Variants in P3H2 observed in about 807,000 individuals in gnomAD.
The protein encoded by P3H2 is prolyl 3-hydroxylase 2, also known as leprecan-like 1.
Under a neutral mutation model 87.0 loss-of-function variants are expected in P3H2, and 80 were observed. That is an observed-to-expected ratio of 0.92 (90% CI 0.77 to 1.11). P3H2 has a LOEUF of 1.11. Among genes scored for constraint, P3H2 ranks in the 50% least tolerant of loss-of-function variants. The pLI, the probability that P3H2 is intolerant of heterozygous loss-of-function variation, is 0.00. For missense variants in P3H2, 1,001 were observed against 923.9 expected, an observed-to-expected ratio of 1.08 and a Z score of -1.08; for synonymous variants, 367 against 359.3, an observed-to-expected ratio of 1.02 and a Z score of -0.24.
intron 1 of P3H2, among the ~76,000 whole-genome samples, chr3:190,100,050 A>G (rs887764352): frequency 2.0e-5 from 3 of 152,160 alleles, no homozygotes; most frequent in African/African-American, 7.2e-5. Flanking sequence ...CCGGCCCAAC[A>G]TGGTGAAATT....
intron 1 of P3H2, among the ~76,000 whole-genome samples, chr3:190,033,200 TAC>T (rs1725312361): frequency 6.6e-6 from 1 of 152,148 alleles, no homozygotes; most frequent in Non-Finnish European, 1.5e-5. Context: ...CAGCTGTAAA[TAC>T]AGTCGCTTGC....
intron 10 of P3H2, among the ~76,000 whole-genome samples, chr3:189,973,601 G>A (rs1723252465): frequency 1.5e-5 from 2 of 133,994 alleles, no homozygotes; most frequent in Admixed American, 8.5e-5. Context: ...TCGGCTCACC[G>A]CAACCTCTGC....
At chr3:189,966,159 G>C (rs1722996308) in intron 13 of P3H2, among the ~76,000 whole-genome samples, 1 of 144,658 alleles carries the variant, frequency 6.9e-6, no homozygotes, top group African/African-American at 2.7e-5. Context: ...AAGAAAGAAA[G>C]AAAGAAAGAA....
rs760505250 is a variant in P3H2 at position 190,120,543 on chromosome 3, C to T, written c.189G>A (p.Ala63=). Residue 63 remains alanine, a synonymous_variant, in exon 1 of 15, where the codon GCG becomes GCA. Transcript: ENST00000319332. The part of the protein sequence containing the change: ...AAYYSGDYER[A]VRDLEAALRS... ...GCAGCGCCGCTTCCAAGTCGCGCAC[C>T]GCTCGCTCGTAGTCTCCGCTGTAGT... is the stretch of plus-strand genomic sequence containing the variant. 2.0e-6 allele frequency: 3 copies of T among 1,513,890 alleles called. No homozygotes were observed. The highest frequency in any genetic ancestry group is 1.2e-5 in the South Asian group (1 of 81,316). The allele number at this position is 1,513,890 out of a possible 1,614,324, so 93.8% of individuals were successfully genotyped here. A position where few individuals can be genotyped will look rare whatever the true frequency, so the allele number is the denominator to read the frequency against.
intron 8 of P3H2, among the ~76,000 whole-genome samples, chr3:189,976,163 T>C (rs1408166400): frequency 6.6e-6 from 1 of 152,238 alleles, no homozygotes; most frequent in South Asian, 2.1e-4. Flanking sequence ...CTTATAGTAC[T>C]GTTGGTGTGT....
rs575922323 is a variant in P3H2 at position 189,991,448 on chromosome 3, T to C, written c.824-2410A>G. On this transcript the variant is annotated intron_variant, in intron 3 of 14. Transcript: ENST00000319332. ...CTCATAAACATGGAGTATTTAACCA[T>C]TTTAATCCCTGCTATGAGATAGATG... Among the ~76,000 whole-genome samples the C allele has an allele frequency of 1.5e-4, 23 of 152,352 alleles. No individual in the cohort carries two copies. In the South Asian group the frequency reaches 3.3e-3, roughly 22 times the overall value.
At chr3:190,015,896 T>C (rs1268315386) in intron 1 of P3H2, among the ~76,000 whole-genome samples, 1 of 152,014 alleles carries the variant, frequency 6.6e-6, no homozygotes, top group Non-Finnish European at 1.5e-5. Flanking sequence ...TTAGGGGACA[T>C]TTGGGTGGAG....
intron 1 of P3H2, among the ~76,000 whole-genome samples, chr3:190,067,298 G>A (rs6805204): frequency 0.16 from 23,713 of 152,034 alleles, 2,678 homozygotes; most frequent in African/African-American, 0.32. Context: ...GAAGAGAAAG[G>A]AGAAGGAAGA....
At chr3:189,969,235 C>G in intron 13 of P3H2, 1 of 769,262 alleles carries the variant, frequency 1.3e-6, no homozygotes, top group Non-Finnish European at 2.4e-6. Context: ...ACTCGCATAA[C>G]AAATTCCAGC....
At chr3:189,973,825 CT>C in intron 10 of P3H2, 83 bp downstream of exon 10, 1 of 1,091,168 alleles carries the variant, frequency 9.2e-7, no homozygotes, top group Non-Finnish European at 1.4e-6. Flanking sequence ...TGCCTGGCCA[CT>C]TTTTTCTTTC....
At position 190,120,044 on chromosome 3, in the gene P3H2, GAGAA is replaced by G; in HGVS notation, c.480+204_480+207del. ...TCTTTTTGAGAGAGAAGCTGGCTCTGAGAAAGAGAGAAAAAGACTTGTCCAAGTT... is the reference window on the plus strand; with the variant it reads ...TCTTTTTGAGAGAGAAGCTGGCTCTGAGAGAGAAAAAGACTTGTCCAAGTT... On this transcript the variant is annotated intron_variant, in intron 1 of 14. Transcript: ENST00000319332. 2.0e-5 allele frequency among the ~76,000 whole-genome samples: 3 copies of G among 152,348 alleles called. No homozygotes were observed. The Middle Eastern group carries it at 0.01, about 518-fold the overall frequency.
chr3:190,100,161 G>A (rs896348939), intron 1 of P3H2, among the ~76,000 whole-genome samples: 5 of 151,814 alleles, frequency 3.3e-5, no homozygotes, highest in Admixed American at 1.3e-4. Context: ...TCGAACTGGG[G>A]AGGCAGAGGT....
intron 1 of P3H2, among the ~76,000 whole-genome samples, chr3:190,082,813 G>A (rs1024789898): frequency 6.6e-6 from 1 of 151,902 alleles, no homozygotes; most frequent in East Asian, 1.9e-4. Flanking sequence ...TTTTCTTCTT[G>A]TTACTTAATC....
In P3H2 at chr3:190,022,235, A is replaced by T. The variant is rs974518231; in HGVS notation, c.481-26793T>A. 1.5e-5 allele frequency among the ~76,000 whole-genome samples: 2 copies of T among 135,604 alleles called. 1 individual carries two copies. The highest frequency in any genetic ancestry group is 3.3e-5 in the Non-Finnish European group (2 of 60,590). The allele number at this position is 135,604 out of a possible 152,430, so 89.0% of individuals were successfully genotyped here. On this transcript the variant is annotated intron_variant, in intron 1 of 14. Transcript: ENST00000319332. ...TAAACAGTAAATTCTTAAAATTTAC[A>T]TATGTAACATTTGTGACTTTAGCTC...
intron 1 of P3H2, among the ~76,000 whole-genome samples, chr3:190,087,332 C>T (rs6444416): frequency 6.6e-6 from 1 of 151,552 alleles, no homozygotes; most frequent in Non-Finnish European, 1.5e-5. Flanking sequence ...GTCAGGAGAT[C>T]GAGACCATCC....
intron 9 of P3H2, chr3:189,974,236 ATG>A (rs1402309585): frequency 3.4e-6 from 2 of 595,178 alleles, no homozygotes; most frequent in Non-Finnish European, 3.0e-6. Flanking sequence ...AATAAAAAGA[ATG>A]TAAATTATTG....
At chr3:189,989,667 T>C (rs748258723) in intron 3 of P3H2, among the ~76,000 whole-genome samples, 1 of 152,348 alleles carries the variant, frequency 6.6e-6, no homozygotes, top group East Asian at 1.9e-4. Flanking sequence ...TAGTATATTC[T>C]AATACTAAGT....
intron 1 of P3H2, among the ~76,000 whole-genome samples, chr3:190,028,512 A>G (rs1011990118): frequency 6.6e-6 from 1 of 152,186 alleles, no homozygotes; most frequent in African/African-American, 2.4e-5. Flanking sequence ...ATATTTCCAT[A>G]TCTGAGGGGC....
intron 1 of P3H2, among the ~76,000 whole-genome samples, chr3:190,033,813 T>C (rs1030159608): frequency 2.0e-5 from 3 of 152,356 alleles, no homozygotes; most frequent in South Asian, 2.1e-4. Context: ...AAATCCCATG[T>C]TGTTGTTTAT....
Sources: gnomAD v4.1 joint callset for allele counts (sites outside exome capture counted in the v4.1 genomes callset) on GRCh38, gnomAD v4.1.1 for gene constraint, MANE v1.5 for transcripts, NCBI Gene and HGNC (gene_info 2026-07-23, HGNC 2026-07-21) for gene names.